The following ABCD4 variants were observed in gnomAD, a reference collection of about 807,000 sequenced individuals.
The protein encoded by ABCD4 is lysosomal cobalamin transporter ABCD4.
A neutral mutation model predicts 86.3 loss-of-function variants in ABCD4; 53 were observed. The ratio of observed to expected loss-of-function variants is 0.61; its 90% CI spans 0.49 to 0.77. The LOEUF is 0.77. ABCD4 is among the 30% of genes least tolerant of loss of function. ABCD4 has a pLI of 0.00. For missense variants in ABCD4, 757 were observed against 764.5 expected (o/e 0.99, Z 0.12); for synonymous variants, 328 against 313.6 (o/e 1.05, Z -0.49).
chr14:74,291,650 G>C (rs1338884231), intron 11 of ABCD4, among the ~76,000 whole-genome samples: 1 of 152,198 alleles, frequency 6.6e-6, no homozygotes, highest in Non-Finnish European at 1.5e-5. Context: ...TGGAACAGAA[G>C]CAACAGTTAA....
At chr14:74,286,584 A>C (rs772148128) in intron 18 of ABCD4, 55 bp from the exon 19 acceptor site, 26 of 1,612,296 alleles carry the variant, frequency 1.6e-5, no homozygotes, top group Admixed American at 3.3e-5. Context: ...CTGGCAGAGG[A>C]GGCCACTCGG....
chr14:74,287,261 C>T (rs1447321307), intron 17 of ABCD4, among the ~76,000 whole-genome samples: 1 of 152,118 alleles, frequency 6.6e-6, no homozygotes, highest in Non-Finnish European at 1.5e-5. Flanking sequence ...AGGCAAAAAG[C>T]TTATGAGCTA....
In ABCD4 at chr14:74,293,140, GC is replaced by G; in HGVS notation, c.814+13del. 1 of 1,611,888 alleles carries G rather than the reference GC, an allele frequency of 6.2e-7. No homozygotes were observed. ...AACCCCATGGTTCCCACTTCCCTGG[GC>G]CCCCTCGCCTACTGTACAGCCAGAG... On this transcript the variant is annotated intron_variant, in intron 8 of 18. Transcript: ENST00000356924.
chr14:74,292,823 A>C lies in ABCD4; in HGVS notation c.861T>G (p.Val287=), dbSNP rs377737526. The change falls in exon 9 of 19, where the codon GTT becomes GTG. Residue 287 remains valine (V), a synonymous_variant. Coordinates refer to ENST00000356924, the MANE Select transcript of ABCD4 (RefSeq NM_005050.4). ...CGCTGAAAATGGGGATTGCGATGACAACGTAACTCAGGATGCTGCCCAGAT... is the reference window on the plus strand; with the variant it reads ...CGCTGAAAATGGGGATTGCGATGACCACGTAACTCAGGATGCTGCCCAGAT... ...FDYLGSILSY[V]VIAIPIFSGV... The C allele has an allele frequency of 1.6e-5, 26 of 1,614,062 alleles. No individual in the cohort carries two copies. The African/African-American group carries it at 3.3e-4, about 21-fold the overall frequency.
At position 74,296,000 on chromosome 14, in the gene ABCD4, G is replaced by GAGA. The variant is rs112179522; in HGVS notation, c.543-24_543-22dup. On this transcript the variant is annotated intron_variant, in intron 5 of 18. Transcript: ENST00000356924. ...CTGTGCTGAAATAGAGAGAGAGGGA[G>GAGA]AGAAGGGAGAGGGTGTGGGGTGCCA... 19,044 of 1,587,082 alleles carry GAGA rather than the reference G, an allele frequency of 0.012. 1,944 individuals carry two copies. The African/African-American group carries it at 0.23, about 19-fold the overall frequency.
chr14:74,290,484 T>C lies in ABCD4; in HGVS notation c.1134A>G (p.Pro378=). 6.2e-7 allele frequency: 1 copy of C among 1,613,364 alleles called. No individual in the cohort carries two copies. Among genetic ancestry groups the C allele is most frequent in the Non-Finnish European group, 8.5e-7 (1 of 1,179,958 alleles). Residue 378 remains proline, a synonymous_variant, in exon 12 of 19, where the codon CCA becomes CCG. Coordinates refer to ENST00000356924, the MANE Select transcript of ABCD4 (RefSeq NM_005050.4). ...ATGCTGTGTCTGCTGGCTCTGCCGC[T>C]GGCCACCCTGGGGGTCTGTGTCAGA... is the stretch of plus-strand genomic sequence containing the variant. The part of the protein sequence containing the change: ...EWGLDTPPGW[P]AAEPADTAFL...
In ABCD4 at chr14:74,288,755, A is replaced by T. The variant is rs572155878; in HGVS notation, c.1467T>A (p.Asp489Glu). ...KEVYPDSGSA[D>E]DERILRFLEL... is the part of the protein sequence containing the mutation. ...CCAAGAACCTCAAGATCCTCTCATC[A>T]TCGGCAGAACCTGCACAACAAAGAA... The change falls in exon 15 of 19, where the codon GAT (aspartate) becomes GAA (glutamate). Residue 489 changes from aspartate (D) to glutamate (E), a missense_variant. Coordinates refer to ENST00000356924, the MANE Select transcript of ABCD4 (RefSeq NM_005050.4). The T allele has an allele frequency of 3.1e-5, 50 of 1,613,742 alleles. No homozygotes were observed. The South Asian group carries it at 5.4e-4, about 17-fold the overall frequency.
Position 74,299,540 on chromosome 14 carries a change from G to A in ABCD4, c.285+8C>T. On this transcript the variant is annotated splice_region_variant and intron_variant, in intron 3 of 18. Coordinates refer to ENST00000356924, the MANE Select transcript of ABCD4 (RefSeq NM_005050.4). The stretch of plus-strand genomic sequence containing the variant: ...GACGAGAGACACAGAGAGAGGGAAA[G>A]ATCTTACCGTGGAGTTCAGAACAAT... The A allele has an allele frequency of 6.2e-7, 1 of 1,613,182 alleles. No homozygotes were observed. The highest frequency in any genetic ancestry group is 8.5e-7 in the Non-Finnish European group (1 of 1,179,404).
chr14:74,290,544 A>T, intron 11 of ABCD4, 45 bp from the exon 12 acceptor site: 1 of 1,516,684 alleles, frequency 6.6e-7, no homozygotes, highest in East Asian at 2.3e-5. Context: ...GGGCAGGGTC[A>T]GTATTGCTGT....
intron 4 of ABCD4, 132 bp downstream of exon 4, chr14:74,297,798 A>C (rs2083257139): frequency 5.6e-6 from 8 of 1,424,848 alleles, no homozygotes; most frequent in Non-Finnish European, 7.3e-6. Flanking sequence ...ACCCTCCCCC[A>C]TGACTCTGGG....
chr14:74,298,209 T>C, intron 3 of ABCD4, 140 bp from the exon 4 acceptor site: 1 of 1,435,056 alleles, frequency 7.0e-7, no homozygotes, highest in Non-Finnish European at 9.2e-7. Context: ...AGCACTTTTC[T>C]TTTTTAAATC....
At chr14:74,289,693 A>G in intron 13 of ABCD4, 174 bp from the exon 14 acceptor site, 1 of 1,447,980 alleles carries the variant, frequency 6.9e-7, no homozygotes, top group Non-Finnish European at 9.0e-7. Flanking sequence ...CAAGGTCCCT[A>G]CAACCTTCAG....
chr14:74,295,139 C>T lies in ABCD4; in HGVS notation c.719+9G>A. The T allele has an allele frequency of 6.2e-7, 1 of 1,614,170 alleles. No individual in the cohort carries two copies. The highest frequency in any genetic ancestry group is 2.2e-5 in the East Asian group (1 of 44,878). On this transcript the variant is annotated intron_variant, in intron 7 of 18. Coordinates refer to ENST00000356924, the MANE Select transcript of ABCD4 (RefSeq NM_005050.4). ...CAAGGCAGAAGGGGAACCATCTCTC[C>T]AGACTCACCTGTAGAAAGCAGCAGG...
rs748370559 is a variant in ABCD4 at position 74,286,682 on chromosome 14, T to A, written c.1752+19A>T. On this transcript the variant is annotated intron_variant, in intron 18 of 18. Transcript: ENST00000356924. Reference sequence around the variant, plus strand: ...TGGGTTCTTTCTCCTCCTCAGGCCATCCTTGTGAGCACGGGTACCTTCTCA... The same window carrying A: ...TGGGTTCTTTCTCCTCCTCAGGCCAACCTTGTGAGCACGGGTACCTTCTCA... The A allele has an allele frequency of 6.2e-7, 1 of 1,614,028 alleles. No homozygotes were observed. The highest frequency in any genetic ancestry group is 8.5e-7 in the Non-Finnish European group (1 of 1,180,020).
chr14:74,287,622 G>A (rs140816225), intron 17 of ABCD4, among the ~76,000 whole-genome samples, 188 bp downstream of exon 17: 2 of 149,362 alleles, frequency 1.3e-5, no homozygotes, highest in African/African-American at 5.1e-5. Flanking sequence ...TGGCAGTACC[G>A]CATATTCAGT....
rs1475337274 is a variant in ABCD4 at position 74,296,464 on chromosome 14, A to T, written c.426-15T>A. ...TGCGCTGGTCCCTGGAGCCAATGAC[A>T]CAGAGTAGCTGGACCCAGGGAGATG... On this transcript the variant is annotated splice_polypyrimidine_tract_variant and intron_variant, in intron 4 of 18. Coordinates refer to ENST00000356924, the MANE Select transcript of ABCD4 (RefSeq NM_005050.4). The T allele has an allele frequency of 2.5e-6, 4 of 1,612,944 alleles. No homozygotes were observed. In the African/African-American group the frequency reaches 5.3e-5, roughly 22 times the overall value.
chr14:74,295,473 G>A (rs2082614480), intron 6 of ABCD4, among the ~76,000 whole-genome samples: 1 of 152,154 alleles, frequency 6.6e-6, no homozygotes, highest in Admixed American at 6.5e-5. Context: ...CCAGGGCCTG[G>A]CCCAAAGGAG....
At chr14:74,288,662 G>T in intron 15 of ABCD4, 54 bp downstream of exon 15, 1 of 1,592,678 alleles carries the variant, frequency 6.3e-7, no homozygotes, top group Non-Finnish European at 8.6e-7. Flanking sequence ...CTGCCTACCT[G>T]TAGCTGGTGC....
At position 74,286,143 on chromosome 14, in the gene ABCD4, G is replaced by T; in HGVS notation, c.*318C>A. ...AGAGTCATTTCTTTCATTTCTTACAGATCTCACACTTCCAGATTTCTCTTT... is the reference window on the plus strand; with the variant it reads ...AGAGTCATTTCTTTCATTTCTTACATATCTCACACTTCCAGATTTCTCTTT... On this transcript the variant is annotated 3_prime_UTR_variant, in exon 19 of 19. Coordinates refer to ENST00000356924, the MANE Select transcript of ABCD4 (RefSeq NM_005050.4). 4.1e-6 allele frequency: 1 copy of T among 242,398 alleles called. No individual in the cohort carries two copies. The highest frequency in any genetic ancestry group is 7.9e-6 in the Non-Finnish European group (1 of 126,148). 15.0% of individuals were successfully genotyped at this position (242,398 alleles called of 1,614,324 possible).
Sources: gnomAD v4.1 joint callset for allele counts (sites outside exome capture counted in the v4.1 genomes callset) on GRCh38, gnomAD v4.1.1 for gene constraint, MANE v1.5 for transcripts, NCBI Gene and HGNC (gene_info 2026-07-23, HGNC 2026-07-21) for gene names.